PTPRG: variants seen among roughly 807,000 people sequenced by gnomAD.
PTPRG encodes the protein receptor-type tyrosine-protein phosphatase gamma.
Under a neutral mutation model 165.3 loss-of-function variants are expected in PTPRG, and 102 were observed. That is an observed-to-expected ratio of 0.62 (90% CI 0.53 to 0.73). PTPRG has a LOEUF of 0.73. Ranked by LOEUF, PTPRG falls within the 30% of genes least tolerant of loss-of-function variation. The pLI is 0.00. For missense variants in PTPRG, 1,866 were observed against 1,861.4 expected (o/e 1.00, Z -0.05); for synonymous variants, 675 against 669.5 (o/e 1.01, Z -0.13).
intron 1 of PTPRG, among the ~76,000 whole-genome samples, chr3:61,680,680 A>G (rs1341584517): frequency 1.3e-5 from 2 of 151,366 alleles, no homozygotes; most frequent in Admixed American, 6.6e-5. Flanking sequence ...AGCCTCTGGT[A>G]TAGGCTTTCA....
intron 1 of PTPRG, among the ~76,000 whole-genome samples, chr3:61,618,312 T>C (rs1467347372): frequency 6.6e-6 from 1 of 152,076 alleles, no homozygotes; most frequent in Non-Finnish European, 1.5e-5. Context: ...ATTAAGAAAC[T>C]GGTAAATTAG....
intron 2 of PTPRG, among the ~76,000 whole-genome samples, chr3:61,839,494 T>A (rs2036558761): frequency 6.6e-6 from 1 of 152,232 alleles, no homozygotes; most frequent in African/African-American, 2.4e-5. Flanking sequence ...CTGGAATTTC[T>A]GGGAAGGACC....
intron 16 of PTPRG, among the ~76,000 whole-genome samples, chr3:62,260,421 T>C (rs1350330773): frequency 2.0e-5 from 3 of 152,170 alleles, no homozygotes; most frequent in Admixed American, 6.5e-5. Flanking sequence ...AGGAAGTGAT[T>C]TAGCCTACAT....
intron 5 of PTPRG, among the ~76,000 whole-genome samples, chr3:62,082,101 G>A (rs1305245150): frequency 2.0e-5 from 3 of 152,220 alleles, no homozygotes; most frequent in African/African-American, 4.8e-5. Context: ...GTGACACAAA[G>A]AGAATGACCC....
At position 62,199,464 on chromosome 3, in the gene PTPRG, G is replaced by C. The variant is rs570279623; in HGVS notation, c.1328-2041G>C. 2.0e-5 allele frequency among the ~76,000 whole-genome samples: 3 copies of C among 152,300 alleles called. No individual in the cohort carries two copies. In the East Asian group the frequency reaches 5.8e-4, roughly 29 times the overall value. ...ATGGACACTCAGCCCCAGCCGAATGGTGCCCTGCTGGAAGGTGAGCCTAGT... is the reference window on the plus strand; with the variant it reads ...ATGGACACTCAGCCCCAGCCGAATGCTGCCCTGCTGGAAGGTGAGCCTAGT... On this transcript the variant is annotated intron_variant, in intron 10 of 29. Coordinates refer to ENST00000474889, the MANE Select transcript of PTPRG (RefSeq NM_002841.4).
intron 1 of PTPRG, among the ~76,000 whole-genome samples, chr3:61,715,826 A>G (rs1380027355): frequency 6.6e-6 from 1 of 152,028 alleles, no homozygotes; most frequent in East Asian, 1.9e-4. Context: ...TTAGAAATGG[A>G]ATAGGGTACA....
intron 2 of PTPRG, among the ~76,000 whole-genome samples, chr3:61,861,115 T>C (rs748505582): frequency 1.1e-4 from 16 of 152,216 alleles, no homozygotes; most frequent in Non-Finnish European, 5.9e-5. Context: ...ATCATCCAAA[T>C]TGTTGAAGAT....
At chr3:62,276,507 GTGCTGTAGGCA>G in intron 24 of PTPRG, 1 of 165,570 alleles carries the variant, frequency 6.0e-6, no homozygotes, top group Non-Finnish European at 1.3e-5. Flanking sequence ...TGCTGTCTGT[GTGCTGTAGGCA>G]TAGACATGGG....
At chr3:62,282,624 A>G in intron 27 of PTPRG, 103 bp from the exon 28 acceptor site, 1 of 1,129,332 alleles carries the variant, frequency 8.9e-7, no homozygotes, top group Non-Finnish European at 1.2e-6. Flanking sequence ...CATTGTTGAG[A>G]GTTACCTATA....
At chr3:62,020,651 G>A (rs1305159105) in intron 4 of PTPRG, among the ~76,000 whole-genome samples, 1 of 152,038 alleles carries the variant, frequency 6.6e-6, no homozygotes, top group Non-Finnish European at 1.5e-5. Flanking sequence ...TGACTCAGAG[G>A]GCAGCACCCA....
intron 1 of PTPRG, among the ~76,000 whole-genome samples, chr3:61,657,841 G>C (rs1575569370): frequency 6.6e-6 from 1 of 152,304 alleles, no homozygotes; most frequent in Non-Finnish European, 1.5e-5. Context: ...GGTTCTCTTT[G>C]TCCTTAAGTT....
intron 4 of PTPRG, among the ~76,000 whole-genome samples, chr3:62,007,458 G>A (rs1194288354): frequency 6.6e-6 from 1 of 152,202 alleles, no homozygotes; most frequent in Non-Finnish European, 1.5e-5. Context: ...GAAAGTTGAA[G>A]TCAGATTACA....
intron 2 of PTPRG, among the ~76,000 whole-genome samples, chr3:61,955,135 C>T (rs1484245781): frequency 6.6e-6 from 1 of 152,048 alleles, no homozygotes; most frequent in South Asian, 2.1e-4. Flanking sequence ...GAATTACTGA[C>T]TGCTTTGGAT....
In PTPRG at chr3:62,195,583, C is replaced by A. The variant is rs188181753; in HGVS notation, c.1327+413C>A. On this transcript the variant is annotated intron_variant, in intron 10 of 29. Coordinates refer to ENST00000474889, the MANE Select transcript of PTPRG (RefSeq NM_002841.4). The surrounding 1 kb of genome is among the most constrained non-coding windows in gnomAD (Gnocchi z 4.4). The stretch of plus-strand genomic sequence containing the variant: ...CCATAGCAGCTACACCTCACCCTTC[C>A]GACTTGCAAGCCACACAAACAAGCG... Among the ~76,000 whole-genome samples, 56 of 152,210 alleles carry A rather than the reference C, an allele frequency of 3.7e-4. No homozygotes were observed. In the East Asian group the frequency reaches 0.01, roughly 28 times the overall value.
chr3:61,725,090 A>G (rs2032202279), intron 1 of PTPRG, among the ~76,000 whole-genome samples: 1 of 152,004 alleles, frequency 6.6e-6, no homozygotes, highest in Admixed American at 6.6e-5. Context: ...CTTTTTTACC[A>G]CTTACGAGTT....
chr3:61,799,782 G>T (rs1330213255), intron 2 of PTPRG, among the ~76,000 whole-genome samples: 7 of 152,176 alleles, frequency 4.6e-5, no homozygotes, highest in Admixed American at 2.6e-4. Context: ...AAGTCACTAT[G>T]TGCAGCTCAC....
intron 26 of PTPRG, among the ~76,000 whole-genome samples, chr3:62,280,040 G>C (rs1702374934): frequency 6.6e-6 from 1 of 152,052 alleles, no homozygotes; most frequent in African/African-American, 2.4e-5. Flanking sequence ...TTTAGGGATA[G>C]AATTCAAGGA....
At chr3:62,269,453 T>C (rs1701990697) in intron 20 of PTPRG, among the ~76,000 whole-genome samples, 1 of 152,134 alleles carries the variant, frequency 6.6e-6, no homozygotes, top group South Asian at 2.1e-4. Context: ...TCAGCAAATA[T>C]GGCAGCATCT....
intron 4 of PTPRG, among the ~76,000 whole-genome samples, chr3:62,004,528 C>A (rs2041248544): frequency 6.6e-6 from 1 of 152,190 alleles, no homozygotes; most frequent in East Asian, 1.9e-4. Context: ...CACATTGTTA[C>A]ATTTCTTCCT....
Sources: allele counts gnomAD v4.1 joint callset (sites outside exome capture counted in the v4.1 genomes callset), GRCh38; gene constraint gnomAD v4.1.1; non-coding constraint Gnocchi (gnomAD v3.1); transcripts MANE v1.5; gene names NCBI Gene and HGNC (gene_info 2026-07-23, HGNC 2026-07-21).